PAGR1: variants seen among roughly 807,000 people sequenced by gnomAD.
PAGR1 encodes the protein PAXIP1-associated glutamate-rich protein 1.
PAGR1 carries 20 observed loss-of-function variants against 22.4 expected under a neutral mutation model. The ratio of observed to expected loss-of-function variants is 0.89; its 90% CI spans 0.63 to 1.30. The LOEUF (loss-of-function observed/expected upper bound fraction) is 1.30. Among genes scored for constraint, PAGR1 ranks in the 50% most tolerant of loss-of-function variants. PAGR1 has a pLI of 0.00. For synonymous variants in PAGR1, 161 were observed against 148.3 expected (o/e 1.09, Z -0.62); for missense variants, 338 against 343.6 (o/e 0.98, Z 0.13).
rs1439841189 is a variant in PAGR1 at position 29,816,971 on chromosome 16, A to T, written c.446A>T (p.Asp149Val). 6.4e-7 allele frequency: 1 copy of T among 1,569,990 alleles called. No individual in the cohort carries two copies. The highest frequency in any genetic ancestry group is 1.9e-5 in the Admixed American group (1 of 53,224). The change falls in exon 1 of 3, where the codon GAT becomes GTT. Residue 149 changes from aspartate to valine, a missense_variant. By Grantham distance (152) the Asp-to-Val change is radical (BLOSUM62 -3). Transcript: ENST00000320330. ...PEAQSEEERS[D>V]EEPEAKEEEE... ...GCCCAGAGCGAAGAGGAGAGATCCG[A>T]TGAGGAGCCGGAGGCCAAAGAAGAG...
At chr16:29,819,262 C>T (rs147054180) in intron 2 of PAGR1, among the ~76,000 whole-genome samples, 37 of 152,274 alleles carry the variant, frequency 2.4e-4, no homozygotes, top group Admixed American at 5.2e-4. Context: ...CCACCATGCC[C>T]GGCCTGCACT....
rs575548668 is a variant in PAGR1 at position 29,816,161 on chromosome 16, C to G, written c.-365C>G. 3.0e-6 allele frequency: 1 copy of G among 329,616 alleles called. No homozygotes were observed. Among genetic ancestry groups the G allele is most frequent in the Non-Finnish European group, 5.5e-6 (1 of 182,268 alleles). 20.4% of individuals were successfully genotyped at this position (329,616 alleles called of 1,614,324 possible). On this transcript the variant is annotated 5_prime_UTR_variant, in exon 1 of 3. Coordinates refer to ENST00000320330, the MANE Select transcript of PAGR1 (RefSeq NM_024516.4). ...GGCGGGTCTTAGCTCCAGGTGCGTA[C>G]GGCATCTGACTTGACGTGGCCCACA...
Position 29,816,523 on chromosome 16 carries a change from C to T in PAGR1, c.-3C>T, listed in dbSNP as rs1487116854. ...CGTCGCAGGGTCCCTGCCCTAGTGG[C>T]CTATGTCCCTTGCTCGGGGCCATGG... On this transcript the variant is annotated 5_prime_UTR_variant, in exon 1 of 3. Coordinates refer to ENST00000320330, the MANE Select transcript of PAGR1 (RefSeq NM_024516.4). 3 of 1,504,780 alleles carry T rather than the reference C, an allele frequency of 2.0e-6. No homozygotes were observed. The highest frequency in any genetic ancestry group is 1.4e-5 in the South Asian group (1 of 72,926). 93.2% of individuals were successfully genotyped at this position (1,504,780 alleles called of 1,614,324 possible).
rs1401191986 is a variant in PAGR1 at position 29,822,094 on chromosome 16, T to G, written c.*2340T>G. 1.3e-5 allele frequency among the ~76,000 whole-genome samples: 2 copies of G among 151,502 alleles called. No individual in the cohort carries two copies. Among genetic ancestry groups the G allele is most frequent in the Admixed American group, 6.6e-5 (1 of 15,228 alleles). ...GTGTGTGGTTGGGGTTTTGTTTTTT[T>G]TTTTTTTTTAAAGAATTATAGCTCA... On this transcript the variant is annotated 3_prime_UTR_variant, in exon 3 of 3. Transcript: ENST00000320330.
At chr16:29,818,968 C>T (rs1245828059) in intron 2 of PAGR1, among the ~76,000 whole-genome samples, 1 of 152,152 alleles carries the variant, frequency 6.6e-6, no homozygotes, top group African/African-American at 2.4e-5. Context: ...CCGCCACCTC[C>T]AGTTCTCTGC....
chr16:29,818,283 C>G (rs986495895), intron 2 of PAGR1: 1 of 152,180 alleles, frequency 6.6e-6, no homozygotes, highest in Admixed American at 6.5e-5. Flanking sequence ...GTGATCCATC[C>G]GCCTCGGTTC....
chr16:29,818,848 G>A lies in PAGR1; in HGVS notation c.566-707G>A, dbSNP rs988087988. 4.6e-5 allele frequency among the ~76,000 whole-genome samples: 7 copies of A among 152,350 alleles called. No homozygotes were observed. In the East Asian group the frequency reaches 1.2e-3, roughly 25 times the overall value. ...TTCCCAAAGTGCTGGAATTACAGGC[G>A]TGAGCTGCTGCACTCAGCCATAAAT... is the stretch of plus-strand genomic sequence containing the variant. On this transcript the variant is annotated intron_variant, in intron 2 of 2. Coordinates refer to ENST00000320330, the MANE Select transcript of PAGR1 (RefSeq NM_024516.4).
chr16:29,817,069 G>A (rs1900266437), intron 1 of PAGR1, 62 bp downstream of exon 1: 3 of 1,556,176 alleles, frequency 1.9e-6, no homozygotes, highest in Non-Finnish European at 2.6e-6. Flanking sequence ...AGGAAATAGG[G>A]AGGGGAAAAT....
intron 2 of PAGR1, among the ~76,000 whole-genome samples, chr16:29,817,752 A>G (rs1017877143): frequency 6.6e-5 from 10 of 152,144 alleles, no homozygotes; most frequent in Non-Finnish European, 1.3e-4. Flanking sequence ...GATTGCAGGC[A>G]TGAGCCAATG....
Position 29,816,200 on chromosome 16 carries a change from G to A in PAGR1, c.-326G>A, listed in dbSNP as rs1021424360. 7 of 386,316 alleles carry A rather than the reference G, an allele frequency of 1.8e-5. No homozygotes were observed. Among genetic ancestry groups the A allele is most frequent in the Non-Finnish European group, 3.2e-5 (7 of 217,432 alleles). The allele number at this position is 386,316 out of a possible 1,614,324, so 23.9% of individuals were successfully genotyped here. A position where few individuals can be genotyped will look rare whatever the true frequency, so the allele number is the denominator to read the frequency against. ...ACGTGGCCCACAACTGAAAGGTCTGGGGAGAAGGCGCCGTGTCCGGGTGTG... is the reference window on the plus strand; with the variant it reads ...ACGTGGCCCACAACTGAAAGGTCTGAGGAGAAGGCGCCGTGTCCGGGTGTG... On this transcript the variant is annotated 5_prime_UTR_variant, in exon 1 of 3. Transcript: ENST00000320330.
Position 29,819,626 on chromosome 16 carries a change from A to T in PAGR1, c.637A>T (p.Lys213Ter). ...KVLSDMKRHK[K>*]LEEQILRTGR... ...GCTGTCGGACATGAAGAGACACAAG[A>T]AGCTGGAGGAGCAGATCCTTCGTAC... The change falls in exon 3 of 3, where the codon AAG (lysine) becomes TAG (stop). Residue 213 changes from lysine (K) to a stop codon, truncating the protein, a stop_gained. Coordinates refer to ENST00000320330, the MANE Select transcript of PAGR1 (RefSeq NM_024516.4). LOFTEE classifies it high-confidence loss of function. The T allele has an allele frequency of 6.2e-7, 1 of 1,614,136 alleles. No individual in the cohort carries two copies. The highest frequency in any genetic ancestry group is 2.2e-5 in the East Asian group (1 of 44,882).
intron 2 of PAGR1, chr16:29,818,508 G>A (rs1156347836): frequency 6.6e-6 from 1 of 152,194 alleles, no homozygotes; most frequent in African/African-American, 2.4e-5. Context: ...GCTCCTAACT[G>A]GGCTCTCTGC....
rs1204727734 is a variant in PAGR1, at chr16:29,821,426, C to T, written c.*1672C>T. 2.6e-5 allele frequency: 4 copies of T among 152,292 alleles called. No individual in the cohort carries two copies. Among genetic ancestry groups the T allele is most frequent in the African/African-American group, 9.6e-5 (4 of 41,454 alleles). The allele number at this position is 152,292 out of a possible 1,614,324, so 9.4% of individuals were successfully genotyped here. On this transcript the variant is annotated 3_prime_UTR_variant, in exon 3 of 3. Transcript: ENST00000320330. ...CCACCTTGAGTGGGTGGCCCAGAGA[C>T]AGCCTCAGGGCTCCAAGGTAACGGG...
chr16:29,816,357 G>T lies in PAGR1; in HGVS notation c.-169G>T. The T allele has an allele frequency of 1.7e-6, 1 of 601,240 alleles. No individual in the cohort carries two copies. The highest frequency in any genetic ancestry group is 2.5e-6 in the Non-Finnish European group (1 of 397,202). 37.2% of individuals were successfully genotyped at this position (601,240 alleles called of 1,614,324 possible). A position where few individuals can be genotyped will look rare whatever the true frequency, so the allele number is the denominator to read the frequency against. On this transcript the variant is annotated 5_prime_UTR_variant, in exon 1 of 3. Coordinates refer to ENST00000320330, the MANE Select transcript of PAGR1 (RefSeq NM_024516.4). ...CTCGATCTCCGGGGCGGGGTCCTTG[G>T]TGGGGACTGAGCGCCCCCTCCCGGG...
Position 29,822,330 on chromosome 16 carries a change from A to G in PAGR1, c.*2576A>G, listed in dbSNP as rs2067368911. ...TAAAACTGTGCTGCTTTAAAAAAAA[A>G]AAAAGTAATTTATGAGACACATTCT... On this transcript the variant is annotated 3_prime_UTR_variant, in exon 3 of 3. Transcript: ENST00000320330. Among the ~76,000 whole-genome samples, 1 of 152,054 alleles carries G rather than the reference A, an allele frequency of 6.6e-6. No individual in the cohort carries two copies. The highest frequency in any genetic ancestry group is 1.5e-5 in the Non-Finnish European group (1 of 68,008).
chr16:29,819,478 G>A, intron 2 of PAGR1, 77 bp from the exon 3 acceptor site: 1 of 1,485,110 alleles, frequency 6.7e-7, no homozygotes, highest in African/African-American at 1.4e-5. Flanking sequence ...AGCTCCCCAA[G>A]TGATGAGTGA....
rs889868587 is a variant in PAGR1, at chr16:29,821,702, A to C, written c.*1948A>C. On this transcript the variant is annotated 3_prime_UTR_variant, in exon 3 of 3. Transcript: ENST00000320330. ...GTTGGACTTCCGGCTCCGTCCTTTGATAACTGTGTGCTCTTGGGCAAATTT... is the reference window on the plus strand; with the variant it reads ...GTTGGACTTCCGGCTCCGTCCTTTGCTAACTGTGTGCTCTTGGGCAAATTT... Among the ~76,000 whole-genome samples, 2 of 152,194 alleles carry C rather than the reference A, an allele frequency of 1.3e-5. No individual in the cohort carries two copies. The highest frequency in any genetic ancestry group is 4.8e-5 in the African/African-American group (2 of 41,440).
In PAGR1 at chr16:29,819,963, A is replaced by T; in HGVS notation, c.*209A>T. 3 of 589,506 alleles carry T rather than the reference A, an allele frequency of 5.1e-6. No homozygotes were observed. Among genetic ancestry groups the T allele is most frequent in the Non-Finnish European group, 6.0e-6 (2 of 334,750 alleles). The allele number at this position is 589,506 out of a possible 1,614,324, so 36.5% of individuals were successfully genotyped here. A position where few individuals can be genotyped will look rare whatever the true frequency, so the allele number is the denominator to read the frequency against. ...TGTAGAGTGTGTGTGTGTGTTTTCT[A>T]TTGAACACCTATAGAGAGAGTGTGT... is the stretch of plus-strand genomic sequence containing the variant. On this transcript the variant is annotated 3_prime_UTR_variant, in exon 3 of 3. Transcript: ENST00000320330.
intron 2 of PAGR1, 130 bp downstream of exon 2, chr16:29,817,422 C>G: frequency 1.5e-6 from 1 of 680,608 alleles, no homozygotes; most frequent in Non-Finnish European, 2.6e-6. Flanking sequence ...AGAGAGTATT[C>G]ACCCAGTAGC....
Sources: allele counts gnomAD v4.1 joint callset (sites outside exome capture counted in the v4.1 genomes callset), GRCh38; gene constraint gnomAD v4.1.1; transcripts MANE v1.5; gene names NCBI Gene and HGNC (gene_info 2026-07-23, HGNC 2026-07-21).